CIMAP2: variants seen among roughly 807,000 people sequenced by gnomAD.
CIMAP2 encodes ciliary microtubule-associated protein 2.
the CIMAP2 span, among the ~76,000 whole-genome samples, chr1:54,813,365 G>A: frequency 8.5e-5 from 13 of 152,112 alleles, no homozygotes; most frequent in Non-Finnish European, 1.8e-4. Flanking sequence ...ACATCCTGTG[G>A]GTTTGGCCAA....
the CIMAP2 span, among the ~76,000 whole-genome samples, chr1:54,828,151 CATT>C: frequency 3.9e-5 from 6 of 152,078 alleles, no homozygotes; most frequent in Admixed American, 3.9e-4. Flanking sequence ...GGAAGAGCAA[CATT>C]ATTACAATTG....
chr1:54,841,501 G>T, the CIMAP2 span: 1 of 1,525,434 alleles, frequency 6.6e-7, no homozygotes, highest in South Asian at 1.2e-5. Flanking sequence ...TTCCTCTCAG[G>T]GTTGGGTTAG....
At chr1:54,806,099 G>A in the CIMAP2 span, 4 of 1,509,338 alleles carry the variant, frequency 2.7e-6, no homozygotes, top group South Asian at 4.9e-5. Context: ...GCGGAGGCGG[G>A]CAGCGCGCAG....
At chr1:54,812,274 G>A in the CIMAP2 span, 2 of 1,563,952 alleles carry the variant, frequency 1.3e-6, no homozygotes, top group East Asian at 2.3e-5. Context: ...ACACCAGCCT[G>A]TGTGCCAGGC....
chr1:54,839,138 A>G, the CIMAP2 span, among the ~76,000 whole-genome samples: 1 of 148,638 alleles, frequency 6.7e-6, no homozygotes, highest in Admixed American at 6.7e-5. Flanking sequence ...GAGAAAAAAA[A>G]TTAGGACAGA....
the CIMAP2 span, among the ~76,000 whole-genome samples, chr1:54,815,864 T>C: frequency 2.1e-4 from 31 of 145,016 alleles, no homozygotes; most frequent in African/African-American, 7.7e-4. Context: ...CCCAATTTGA[T>C]AGCCTGTTCT....
chr1:54,826,400 A>G, the CIMAP2 span, among the ~76,000 whole-genome samples: 8 of 152,290 alleles, frequency 5.3e-5, no homozygotes, highest in South Asian at 8.3e-4. Context: ...TCCAGCTGGC[A>G]TTGGAACACT....
chr1:54,838,936 G>GT, the CIMAP2 span, among the ~76,000 whole-genome samples: 1 of 12,458 alleles, frequency 8.0e-5, no homozygotes, highest in African/African-American at 1.2e-4. Flanking sequence ...GGCAGGGATT[G>GT]GGGGGAGTAG....
the CIMAP2 span, among the ~76,000 whole-genome samples, chr1:54,810,798 C>A: frequency 3.3e-5 from 5 of 152,238 alleles, no homozygotes; most frequent in South Asian, 2.1e-4. Flanking sequence ...CAGTTGCTAA[C>A]CTTTCCTCCT....
At chr1:54,819,835 T>G in the CIMAP2 span, among the ~76,000 whole-genome samples, 1 of 98,742 alleles carries the variant, frequency 1.0e-5, no homozygotes, top group Non-Finnish European at 2.0e-5. Flanking sequence ...TCTTTCTTTC[T>G]TTCTCTTTCT....
chr1:54,822,493 A>G, the CIMAP2 span, among the ~76,000 whole-genome samples: 1 of 150,428 alleles, frequency 6.6e-6, no homozygotes, highest in Non-Finnish European at 1.5e-5. Context: ...CCTGAGGTGC[A>G]TTGTTACGTT....
chr1:54,807,992 G>A, the CIMAP2 span: 23 of 1,585,452 alleles, frequency 1.5e-5, no homozygotes, highest in Non-Finnish European at 1.6e-5. Flanking sequence ...GGGGAGGTTC[G>A]CTTCCGAGGA....
chr1:54,828,324 CA>C, the CIMAP2 span, among the ~76,000 whole-genome samples: 1 of 151,556 alleles, frequency 6.6e-6, no homozygotes, highest in Non-Finnish European at 1.5e-5. Flanking sequence ...AAAAGGATTC[CA>C]TTTTTTTTTT....
chr1:54,820,432 C>T, the CIMAP2 span, among the ~76,000 whole-genome samples: 1 of 152,024 alleles, frequency 6.6e-6, no homozygotes, highest in Admixed American at 6.6e-5. Context: ...CCCACCTCGG[C>T]CTCCCAAAGT....
chr1:54,818,404 T>A, the CIMAP2 span, among the ~76,000 whole-genome samples: 1 of 152,062 alleles, frequency 6.6e-6, no homozygotes, highest in East Asian at 1.9e-4. Flanking sequence ...TCTTCTTTCT[T>A]ATTTTCCATC....
the CIMAP2 span, among the ~76,000 whole-genome samples, chr1:54,838,370 C>T: frequency 2.6e-5 from 4 of 151,896 alleles, no homozygotes; most frequent in Non-Finnish European, 5.9e-5. Context: ...GTAGTCCCAA[C>T]TACTTGGGAG....
the CIMAP2 span, among the ~76,000 whole-genome samples, chr1:54,827,733 A>C: frequency 6.6e-6 from 1 of 152,230 alleles, no homozygotes; most frequent in African/African-American, 2.4e-5. Context: ...TGTTGCACAC[A>C]CTAGCTTCCT....
chr1:54,813,962 G>C, the CIMAP2 span: 12 of 1,605,636 alleles, frequency 7.5e-6, no homozygotes, highest in Non-Finnish European at 1.0e-5. Flanking sequence ...CTCAGCCAGT[G>C]CCCCCGCACA....
At chr1:54,839,694 A>G in the CIMAP2 span, among the ~76,000 whole-genome samples, 3 of 151,326 alleles carry the variant, frequency 2.0e-5, no homozygotes, top group African/African-American at 4.9e-5. Context: ...TGAACTTATT[A>G]TAGCATAACT....
Sources: gnomAD v4.1 joint callset for allele counts (sites outside exome capture counted in the v4.1 genomes callset) on GRCh38, gnomAD v4.1.1 for gene constraint, MANE v1.5 for transcripts, NCBI Gene and HGNC (gene_info 2026-07-23, HGNC 2026-07-21) for gene names.